Variants in CADPS2 observed in about 807,000 individuals in gnomAD.
The protein encoded by CADPS2 is calcium dependent secretion activator 2, also known as calcium-dependent secretion activator 2.
CADPS2 carries 93 observed loss-of-function variants against 172.5 expected under a neutral mutation model. The observed-to-expected ratio is 0.54, with a 90% CI of 0.46 to 0.64. CADPS2 has a LOEUF of 0.64. Among genes scored for constraint, CADPS2 ranks in the 30% least tolerant of loss-of-function variants. The pLI, the probability that CADPS2 is intolerant of heterozygous loss-of-function variation, is 0.00. For missense variants in CADPS2, 1,420 were observed against 1,565.9 expected, an observed-to-expected ratio of 0.91 and a Z score of 1.57; for synonymous variants, 546 against 555.2, an observed-to-expected ratio of 0.98 and a Z score of 0.23.
chr7:122,692,934 A>G (rs2084586492), intron 2 of CADPS2, among the ~76,000 whole-genome samples: 1 of 152,226 alleles, frequency 6.6e-6, no homozygotes, highest in African/African-American at 2.4e-5. Flanking sequence ...GTGCCTATAC[A>G]GTGTCAGCAG....
chr7:122,668,598 T>A (rs1317003568), intron 2 of CADPS2, among the ~76,000 whole-genome samples: 3 of 152,064 alleles, frequency 2.0e-5, no homozygotes, highest in Admixed American at 6.5e-5. Context: ...AGAGACAGTC[T>A]CAGTCAAGAT....
intron 28 of CADPS2, among the ~76,000 whole-genome samples, chr7:122,342,060 G>A (rs2036858643): frequency 6.6e-6 from 1 of 152,016 alleles, no homozygotes; most frequent in Non-Finnish European, 1.5e-5. Flanking sequence ...ACCCTCAAAG[G>A]ATACTTTTAA....
Position 122,319,983 on chromosome 7 carries a change from CAAAA to C in CADPS2, c.*178_*181del, listed in dbSNP as rs1197018478. ...CAAACAAACAAACAAAAAAAGGAAA[CAAAA>C]AAACCCCAAAATCTTGGCATTTCCC... On this transcript the variant is annotated 3_prime_UTR_variant, in exon 30 of 30. Coordinates refer to ENST00000449022, the MANE Select transcript of CADPS2 (RefSeq NM_017954.11). 6.8e-5 allele frequency: 37 copies of C among 546,312 alleles called. No individual in the cohort carries two copies. The highest frequency in any genetic ancestry group is 9.3e-5 in the Non-Finnish European group (33 of 355,528). 33.8% of individuals were successfully genotyped at this position (546,312 alleles called of 1,614,324 possible).
In CADPS2 at chr7:122,320,313, T is replaced by G. The variant is rs1029138164; in HGVS notation, c.3743A>C (p.Gln1248Pro). 1.2e-6 allele frequency: 2 copies of G among 1,601,734 alleles called. No homozygotes were observed. Among genetic ancestry groups the G allele is most frequent in the African/African-American group, 2.7e-5 (2 of 74,382 alleles). Residue 1248 changes from glutamine to proline, a missense_variant, in exon 30 of 30, where the codon CAG (glutamine) becomes CCG (proline). By Grantham distance (76) the Gln-to-Pro change is moderately conservative (BLOSUM62 -1). Transcript: ENST00000449022. ...VKKTYRDFRL[Q>P]GVLEGTLNSK... ...GTTCAGTGTTCCTTCCAACACACCC[T>G]GCAATCGAAAGTCCCTGTAGGTTTT... is the stretch of plus-strand genomic sequence containing the variant.
At chr7:122,454,919 T>C (rs150553617) in intron 14 of CADPS2, among the ~76,000 whole-genome samples, 1 of 152,236 alleles carries the variant, frequency 6.6e-6, no homozygotes, top group African/African-American at 2.4e-5. Context: ...GCAGGCAGCC[T>C]CTTGGTCTTT....
At chr7:122,743,701 C>T (rs555836018) in intron 1 of CADPS2, among the ~76,000 whole-genome samples, 13 of 152,216 alleles carry the variant, frequency 8.5e-5, no homozygotes, top group Admixed American at 2.0e-4. Flanking sequence ...AATTCACAAA[C>T]GCATAGCTTT....
At chr7:122,726,747 G>A (rs1199226085) in intron 2 of CADPS2, among the ~76,000 whole-genome samples, 5 of 113,544 alleles carry the variant, frequency 4.4e-5, no homozygotes, top group East Asian at 2.7e-4. Context: ...AATTGTAACC[G>A]TAAAATTAGG....
At chr7:122,381,455 T>C (rs977220150) in intron 24 of CADPS2, among the ~76,000 whole-genome samples, 2 of 152,112 alleles carry the variant, frequency 1.3e-5, no homozygotes, top group African/African-American at 2.4e-5. Context: ...CCAATGTTTT[T>C]CTCTGTTTTC....
At chr7:122,509,942 T>C (rs935084933) in intron 9 of CADPS2, among the ~76,000 whole-genome samples, 7 of 152,160 alleles carry the variant, frequency 4.6e-5, no homozygotes, top group Admixed American at 3.9e-4. Flanking sequence ...TTCAGAATTA[T>C]TTACTACAGA....
intron 6 of CADPS2, among the ~76,000 whole-genome samples, chr7:122,595,190 ATAAT>A (rs1179875769): frequency 4.6e-5 from 7 of 151,998 alleles, no homozygotes; most frequent in Non-Finnish European, 7.4e-5. Context: ...CAAATGTAAC[ATAAT>A]TAATATATTA....
chr7:122,359,231 A>G (rs2039817247), intron 27 of CADPS2, among the ~76,000 whole-genome samples: 2 of 152,264 alleles, frequency 1.3e-5, no homozygotes, highest in Middle Eastern at 3.4e-3. Flanking sequence ...GCAAAGAGCT[A>G]TCATGCAGAA....
At chr7:122,668,088 T>C (rs2081366984) in intron 2 of CADPS2, among the ~76,000 whole-genome samples, 1 of 152,126 alleles carries the variant, frequency 6.6e-6, no homozygotes, top group African/African-American at 2.4e-5. Flanking sequence ...GGACATCAGT[T>C]ATCACATGAA....
chr7:122,630,071 T>A (rs777653386), intron 3 of CADPS2, among the ~76,000 whole-genome samples: 16 of 152,166 alleles, frequency 1.1e-4, no homozygotes, highest in Non-Finnish European at 2.4e-4. Context: ...AGTCCCTTTA[T>A]AAAAATGTTA....
chr7:122,737,454 G>T (rs1015709627), intron 1 of CADPS2, among the ~76,000 whole-genome samples: 1 of 152,096 alleles, frequency 6.6e-6, no homozygotes, highest in African/African-American at 2.4e-5. Flanking sequence ...CAAATGATCC[G>T]CCTGCCTTGG....
At chr7:122,485,460 C>T in intron 11 of CADPS2, among the ~76,000 whole-genome samples, 1 of 152,258 alleles carries the variant, frequency 6.6e-6, no homozygotes, top group African/African-American at 2.4e-5. Flanking sequence ...CCACAATATT[C>T]CCTTAAACCA....
At chr7:122,765,825 G>A (rs1280406265) in intron 1 of CADPS2, among the ~76,000 whole-genome samples, 1 of 152,016 alleles carries the variant, frequency 6.6e-6, no homozygotes, top group Non-Finnish European at 1.5e-5. Context: ...AGGTGACATT[G>A]CCAACATCAC....
intron 1 of CADPS2, among the ~76,000 whole-genome samples, chr7:122,784,828 C>T (rs1327645815): frequency 6.6e-6 from 1 of 152,060 alleles, no homozygotes; most frequent in Non-Finnish European, 1.5e-5. Flanking sequence ...CTTATTAAGC[C>T]TTTTTACTTT....
chr7:122,610,879 G>A (rs4236614), intron 6 of CADPS2, among the ~76,000 whole-genome samples: 90,887 of 151,856 alleles, frequency 0.6, 27,511 homozygotes, highest in African/African-American at 0.7. Context: ...TTCAGAACTG[G>A]CAAGACTTCA....
intron 7 of CADPS2, among the ~76,000 whole-genome samples, chr7:122,563,473 C>A (rs2066008155): frequency 6.6e-6 from 1 of 152,136 alleles, no homozygotes; most frequent in African/African-American, 2.4e-5. Flanking sequence ...GTAAACTTGG[C>A]ACTGAAGTTA....
Sources: gnomAD v4.1 joint callset for allele counts (sites outside exome capture counted in the v4.1 genomes callset) on GRCh38, gnomAD v4.1.1 for gene constraint, MANE v1.5 for transcripts, NCBI Gene and HGNC (gene_info 2026-07-23, HGNC 2026-07-21) for gene names.